MED13L: variants seen among roughly 807,000 people sequenced by gnomAD.
The protein encoded by MED13L is mediator complex subunit 13L, also known as mediator of RNA polymerase II transcription subunit 13-like.
A neutral mutation model predicts 220.9 loss-of-function variants in MED13L; 7 were observed. The observed-to-expected ratio is 0.03, with a 90% CI of 0.02 to 0.06. The LOEUF (loss-of-function observed/expected upper bound fraction) is 0.06, where lower values mean the gene tolerates loss of function less well. Among genes scored for constraint, MED13L ranks in the 10% least tolerant of loss-of-function variants. MED13L has a pLI of 1.00. For missense variants in MED13L, 1,965 were observed against 2,760.5 expected, an observed-to-expected ratio of 0.71 and a Z score of 6.46; for synonymous variants, 1,011 against 1,015.2, an observed-to-expected ratio of 1.00 and a Z score of 0.08.
chr12:116,070,885 A>C (rs1870315609), intron 4 of MED13L, among the ~76,000 whole-genome samples: 1 of 152,210 alleles, frequency 6.6e-6, no homozygotes, highest in Admixed American at 6.5e-5. Flanking sequence ...TGTTAAGTGA[A>C]TCTTACAAAT....
At chr12:115,986,609 A>C in intron 18 of MED13L, 120 bp from the exon 19 acceptor site, 1 of 931,840 alleles carries the variant, frequency 1.1e-6, no homozygotes, top group East Asian at 2.6e-5. Context: ...CATGTTCACA[A>C]GACATTCTTA....
Position 116,237,586 on chromosome 12 carries a change from C to T in MED13L, c.192G>A (p.Leu64=), listed in dbSNP as rs752853245. Residue 64 remains leucine (L), a synonymous_variant, in exon 2 of 31, where the codon CTG becomes CTA. Coordinates refer to ENST00000281928, the MANE Select transcript of MED13L (RefSeq NM_015335.5). ...DPILLSFIRC[L]QANLLCVWRR... is the part of the protein sequence containing the mutation. Reference sequence around the variant, plus strand: ...GCCATACACAAAGCAGGTTAGCTTGCAGACAGCGGATGAAACTTAACAGAA... The same window carrying T: ...GCCATACACAAAGCAGGTTAGCTTGTAGACAGCGGATGAAACTTAACAGAA... 1.9e-6 allele frequency: 3 copies of T among 1,614,064 alleles called. No individual in the cohort carries two copies. In the South Asian group the frequency reaches 3.3e-5, roughly 18 times the overall value.
Position 115,982,571 on chromosome 12 carries a change from G to A in MED13L, c.4988C>T (p.Thr1663Met), listed in dbSNP as rs142102185. ...VTERERIGIP[T>M]EPDSADSHAH... is the part of the protein sequence containing the mutation. Reference sequence around the variant, plus strand: ...ATGGCTGTCTGCAGAGTCAGGCTCCGTGGGAATTCCTATTCTCTCCCTTTC... The same window carrying A: ...ATGGCTGTCTGCAGAGTCAGGCTCCATGGGAATTCCTATTCTCTCCCTTTC... Residue 1663 changes from threonine to methionine, a missense_variant, in exon 22 of 31, where the codon ACG becomes ATG. By Grantham distance (81) the Thr-to-Met change is moderately conservative. Around this residue, in one of 10 missense-constraint regions of MED13L, gnomAD observed 510 missense variants for 620.4 expected, o/e 0.82. Transcript: ENST00000281928. 1.1e-5 allele frequency: 18 copies of A among 1,613,968 alleles called. No homozygotes were observed. Among genetic ancestry groups the A allele is most frequent in the East Asian group, 6.7e-5 (3 of 44,876 alleles).
chr12:116,171,090 T>A (rs182538567), intron 2 of MED13L, among the ~76,000 whole-genome samples: 4 of 152,268 alleles, frequency 2.6e-5, no homozygotes, highest in Non-Finnish European at 4.4e-5. Flanking sequence ...GCAAATAATG[T>A]CTTCATATTT....
At chr12:116,238,952 G>A (rs917806612) in intron 1 of MED13L, among the ~76,000 whole-genome samples, 35 of 151,992 alleles carry the variant, frequency 2.3e-4, no homozygotes, top group East Asian at 9.7e-4. Context: ...AAAATTAGCC[G>A]GGCGTGGTGG....
chr12:115,999,983 G>A lies in MED13L; in HGVS notation c.2570-2753C>T, dbSNP rs1038582063. Among the ~76,000 whole-genome samples the A allele has an allele frequency of 1.5e-4, 23 of 152,104 alleles. No individual in the cohort carries two copies. The East Asian group carries it at 1.5e-3, about 10-fold the overall frequency. The stretch of plus-strand genomic sequence containing the variant: ...CTGTCTCACTTCAATTTCCTAATCC[G>A]TAAAATGGGAAAAATATCTACTTCA... On this transcript the variant is annotated intron_variant, in intron 14 of 30. Coordinates refer to ENST00000281928, the MANE Select transcript of MED13L (RefSeq NM_015335.5).
At chr12:115,972,964 A>G (rs1242772240) in intron 25 of MED13L, among the ~76,000 whole-genome samples, 1 of 151,982 alleles carries the variant, frequency 6.6e-6, no homozygotes, top group African/African-American at 2.4e-5. Context: ...CCTATGCATC[A>G]CCCCTGCTTT....
intron 1 of MED13L, among the ~76,000 whole-genome samples, chr12:116,240,593 C>T (rs1008818873): frequency 2.0e-5 from 3 of 150,324 alleles, no homozygotes; most frequent in Admixed American, 6.6e-5. Context: ...AGTGCAGTGG[C>T]GCGATCTCGG....
intron 4 of MED13L, among the ~76,000 whole-genome samples, chr12:116,083,393 C>T (rs575188612): frequency 2.4e-4 from 28 of 115,876 alleles, no homozygotes; most frequent in African/African-American, 9.2e-4. Context: ...CAGAGCGAGA[C>T]TGTCTCGAGG....
At chr12:116,019,155 T>C (rs2137432257) in intron 7 of MED13L, 69 bp downstream of exon 7, 1 of 1,487,512 alleles carries the variant, frequency 6.7e-7, no homozygotes, top group Non-Finnish European at 9.2e-7. Context: ...TCTCACCTGT[T>C]CCATGGCAGG....
At chr12:115,978,971 C>A (rs1877143385) in intron 23 of MED13L, among the ~76,000 whole-genome samples, 1 of 152,106 alleles carries the variant, frequency 6.6e-6, no homozygotes, top group Admixed American at 6.5e-5. Flanking sequence ...GAGGCAGGGG[C>A]CTGTTTTGTT....
chr12:116,201,917 A>G (rs1474703109), intron 2 of MED13L, among the ~76,000 whole-genome samples: 1 of 152,214 alleles, frequency 6.6e-6, no homozygotes, highest in African/African-American at 2.4e-5. Flanking sequence ...AACTCCATGA[A>G]AGTCTTTTTA....
intron 23 of MED13L, among the ~76,000 whole-genome samples, chr12:115,977,865 C>G (rs966687067): frequency 6.6e-6 from 1 of 152,098 alleles, no homozygotes; most frequent in Non-Finnish European, 1.5e-5. Flanking sequence ...CACGGTGGCA[C>G]ATGCCTGTAG....
At chr12:116,108,103 A>C (rs1873742870) in intron 3 of MED13L, among the ~76,000 whole-genome samples, 1 of 151,800 alleles carries the variant, frequency 6.6e-6, no homozygotes, top group African/African-American at 2.4e-5. Context: ...ACAAACAAAC[A>C]AACAAACAAA....
intron 2 of MED13L, among the ~76,000 whole-genome samples, chr12:116,168,710 G>A (rs904235908): frequency 1.3e-5 from 2 of 152,138 alleles, no homozygotes; most frequent in African/African-American, 4.8e-5. Flanking sequence ...GATCAAACCA[G>A]GGCAAATGGA....
At chr12:116,210,834 G>GA (rs892998072) in intron 2 of MED13L, among the ~76,000 whole-genome samples, 2 of 151,878 alleles carry the variant, frequency 1.3e-5, no homozygotes, top group Admixed American at 1.3e-4. Context: ...AATGAATAAA[G>GA]AAACTTCTAA....
At chr12:116,007,658 AAAAAAAAG>A in intron 10 of MED13L, 22 bp from the exon 11 acceptor site, 2 of 1,581,130 alleles carry the variant, frequency 1.3e-6, no homozygotes, top group Non-Finnish European at 1.7e-6. Flanking sequence ...AAAAAAAAAA[AAAAAAAAG>A]AGCATTTATG....
At chr12:116,258,346 T>C (rs989025669) in intron 1 of MED13L, among the ~76,000 whole-genome samples, 5 of 152,170 alleles carry the variant, frequency 3.3e-5, no homozygotes, top group African/African-American at 1.2e-4. Flanking sequence ...AGAAAATGCA[T>C]GTAGCTGGTA....
At position 115,991,104 on chromosome 12, in the gene MED13L, G is replaced by C; in HGVS notation, c.3850C>G (p.Gln1284Glu). ...CCACCAGTGGGGTTATCCACATACT[G>C]CCGCCCCTGCTCCAACGCATTAAAG... Reference protein sequence around the residue: ...ECFNALEQGRQYVDNPTGGKV... With the variant: ...ECFNALEQGREYVDNPTGGKV... The change falls in exon 17 of 31, where the codon CAG (glutamine) becomes GAG (glutamate). Residue 1284 changes from glutamine to glutamate, a missense_variant. Gln to Glu is a conservative substitution (Grantham distance 29, BLOSUM62 2). This residue lies in a region of MED13L where 165 missense variants were observed against 190.8 expected (regional missense o/e 0.86). Transcript: ENST00000281928. This position sits in a 1 kb window ranked among gnomAD's most constrained non-coding sequence, Gnocchi z 7.7. 6.2e-7 allele frequency: 1 copy of C among 1,614,186 alleles called. No individual in the cohort carries two copies. Among genetic ancestry groups the C allele is most frequent in the Non-Finnish European group, 8.5e-7 (1 of 1,180,036 alleles).
Sources: allele counts gnomAD v4.1 joint callset (sites outside exome capture counted in the v4.1 genomes callset), GRCh38; gene constraint gnomAD v4.1.1; regional missense constraint gnomAD v4.1.1; non-coding constraint Gnocchi (gnomAD v3.1); transcripts MANE v1.5; gene names NCBI Gene and HGNC (gene_info 2026-07-23, HGNC 2026-07-21).